The following ANKRD12 variants were observed in gnomAD, a reference collection of about 807,000 sequenced individuals.
ANKRD12 encodes the protein ankyrin repeat domain-containing protein 12.
ANKRD12 carries 85 observed loss-of-function variants against 183.4 expected under a neutral mutation model. The observed-to-expected ratio is 0.46, with a 90% CI of 0.39 to 0.56. The LOEUF (loss-of-function observed/expected upper bound fraction) is 0.56, where lower values mean the gene tolerates loss of function less well. Among genes scored for constraint, ANKRD12 ranks in the 20% least tolerant of loss-of-function variants. The pLI is 0.00. For missense variants in ANKRD12, 2,405 were observed against 2,357.1 expected, an observed-to-expected ratio of 1.02 and a Z score of -0.42; for synonymous variants, 914 against 800.2, an observed-to-expected ratio of 1.14 and a Z score of -2.40.
At chr18:9,219,739 C>T (rs1371175954) in intron 7 of ANKRD12, among the ~76,000 whole-genome samples, 1 of 146,404 alleles carries the variant, frequency 6.8e-6, no homozygotes, top group Non-Finnish European at 1.5e-5. Context: ...CCATACAACA[C>T]AGAATCCTAG....
In ANKRD12 at chr18:9,285,009, A is replaced by G. The variant is rs1005956219; in HGVS notation, c.*3883A>G. ...ATCACGAGGTCAGGAGATCGAGACC[A>G]TCCTGGCTAACACGGTGAAACCCCG... On this transcript the variant is annotated 3_prime_UTR_variant, in exon 13 of 13. Coordinates refer to ENST00000262126, the MANE Select transcript of ANKRD12 (RefSeq NM_015208.5). The G allele has an allele frequency of 4.6e-5, 7 of 151,562 alleles. No individual in the cohort carries two copies. The South Asian group carries it at 8.3e-4, about 18-fold the overall frequency. The allele number at this position is 151,562 out of a possible 1,614,324, so 9.4% of individuals were successfully genotyped here. A position where few individuals can be genotyped will look rare whatever the true frequency, so the allele number is the denominator to read the frequency against.
chr18:9,220,254 G>A (rs1253436667), intron 7 of ANKRD12, among the ~76,000 whole-genome samples: 2 of 152,100 alleles, frequency 1.3e-5, no homozygotes, highest in African/African-American at 4.8e-5. Context: ...TTTTTAAGGT[G>A]TGATATGTTT....
chr18:9,214,870 A>G (rs1366149379), intron 6 of ANKRD12, among the ~76,000 whole-genome samples: 1 of 152,154 alleles, frequency 6.6e-6, no homozygotes, highest in East Asian at 1.9e-4. Context: ...TGCAGCTTTT[A>G]TGCGAATGCA....
In ANKRD12 at chr18:9,143,594, G is replaced by A. The variant is rs188100848; in HGVS notation, c.-52+6629G>A. 2.6e-5 allele frequency among the ~76,000 whole-genome samples: 4 copies of A among 152,302 alleles called. No homozygotes were observed. In the East Asian group the frequency reaches 7.7e-4, roughly 29 times the overall value. ...TCCTGCCCCAGCTCCCCGAGGAGCT[G>A]GGATTACAGGCGCTTGCCACCACGC... On this transcript the variant is annotated intron_variant, in intron 1 of 12. Transcript: ENST00000262126.
At chr18:9,243,199 G>T (rs1208023015) in intron 8 of ANKRD12, among the ~76,000 whole-genome samples, 1 of 152,144 alleles carries the variant, frequency 6.6e-6, no homozygotes, top group Admixed American at 6.6e-5. Flanking sequence ...TAGTTAGTGG[G>T]CTGTTTGTGT....
intron 9 of ANKRD12, among the ~76,000 whole-genome samples, chr18:9,261,264 T>TTA (rs1268203585): frequency 6.6e-6 from 1 of 152,224 alleles, no homozygotes; most frequent in African/African-American, 2.4e-5. Flanking sequence ...AGCATGTTAT[T>TTA]TAAATGCCTC....
intron 10 of ANKRD12, 86 bp downstream of exon 10, chr18:9,263,974 G>T (rs1598744622): frequency 9.1e-7 from 1 of 1,097,666 alleles, no homozygotes; most frequent in Non-Finnish European, 1.2e-6. Context: ...TTTATTAGTG[G>T]ATTTTTAAAA....
intron 8 of ANKRD12, among the ~76,000 whole-genome samples, chr18:9,227,109 A>G (rs142198211): frequency 1.3e-5 from 2 of 152,278 alleles, no homozygotes; most frequent in African/African-American, 4.8e-5. Context: ...GTCTTAGGAA[A>G]TACTAAAATA....
At chr18:9,276,494 A>G (rs1486908921) in intron 11 of ANKRD12, among the ~76,000 whole-genome samples, 1 of 152,058 alleles carries the variant, frequency 6.6e-6, no homozygotes, top group African/African-American at 2.4e-5. Flanking sequence ...GTGGGCAATC[A>G]CTTGAGCTCA....
At chr18:9,261,194 A>C (rs1012095312) in intron 9 of ANKRD12, among the ~76,000 whole-genome samples, 19 of 152,222 alleles carry the variant, frequency 1.2e-4, no homozygotes, top group African/African-American at 4.3e-4. Flanking sequence ...GCAAGCTGTC[A>C]GACCTTTCAT....
rs138360865 is a variant in ANKRD12, at chr18:9,215,762, A to G, written c.653-996A>G. 3.3e-5 allele frequency among the ~76,000 whole-genome samples: 5 copies of G among 152,280 alleles called. No homozygotes were observed. In the East Asian group the frequency reaches 9.6e-4, roughly 29 times the overall value. On this transcript the variant is annotated intron_variant, in intron 6 of 12. Coordinates refer to ENST00000262126, the MANE Select transcript of ANKRD12 (RefSeq NM_015208.5). Reference sequence around the variant, plus strand: ...ATGTTGTCATGACGTCACAGGATTTACCACAGAACCAGTCAAGGAAATCAT... The same window carrying G: ...ATGTTGTCATGACGTCACAGGATTTGCCACAGAACCAGTCAAGGAAATCAT...
intron 8 of ANKRD12, among the ~76,000 whole-genome samples, chr18:9,232,787 C>CTT (rs1337235320): frequency 6.6e-6 from 1 of 151,956 alleles, no homozygotes. Flanking sequence ...ATCACAAAGA[C>CTT]TTTGTTCATT....
At chr18:9,184,181 G>A (rs1331951440) in intron 2 of ANKRD12, among the ~76,000 whole-genome samples, 2 of 152,094 alleles carry the variant, frequency 1.3e-5, no homozygotes, top group Non-Finnish European at 2.9e-5. Flanking sequence ...GATACAAAAT[G>A]TTATCTTTTA....
intron 1 of ANKRD12, among the ~76,000 whole-genome samples, chr18:9,161,169 A>G (rs1466559058): frequency 2.0e-5 from 3 of 152,042 alleles, no homozygotes; most frequent in Non-Finnish European, 4.4e-5. Context: ...TAGTTCAGTC[A>G]GAGGGAAGCT....
rs561920903 is a variant in ANKRD12, at chr18:9,208,526, G to A, written c.305-131G>A. On this transcript the variant is annotated intron_variant, in intron 4 of 12. Coordinates refer to ENST00000262126, the MANE Select transcript of ANKRD12 (RefSeq NM_015208.5). Reference sequence around the variant, plus strand: ...ATAAAACCCATTGTGCTTTTGTCTGGCTACTACTAGTTCATATATTGTACA... The same window carrying A: ...ATAAAACCCATTGTGCTTTTGTCTGACTACTACTAGTTCATATATTGTACA... The A allele has an allele frequency of 6.4e-5, 39 of 605,954 alleles. No individual in the cohort carries two copies. The African/African-American group carries it at 7.3e-4, about 11-fold the overall frequency. 37.5% of individuals were successfully genotyped at this position (605,954 alleles called of 1,614,324 possible).
At position 9,256,428 on chromosome 18, in the gene ANKRD12, C is replaced by G. The variant is rs1461158045; in HGVS notation, c.3161C>G (p.Pro1054Arg). The change falls in exon 9 of 13, where the codon CCT becomes CGT. Residue 1054 changes from proline to arginine, a missense_variant. Transcript: ENST00000262126. ...KLKSEADKPK[P>R]KSSPASKDTR... Reference sequence around the variant, plus strand: ...AAATCTGAAGCAGATAAGCCTAAACCTAAGTCATCACCAGCATCAAAAGAT... The same window carrying G: ...AAATCTGAAGCAGATAAGCCTAAACGTAAGTCATCACCAGCATCAAAAGAT... 6.2e-7 allele frequency: 1 copy of G among 1,612,960 alleles called. No individual in the cohort carries two copies. Among genetic ancestry groups the G allele is most frequent in the Non-Finnish European group, 8.5e-7 (1 of 1,179,686 alleles).
At chr18:9,203,615 A>ATTT (rs1567911573) in intron 3 of ANKRD12, among the ~76,000 whole-genome samples, 200 of 151,464 alleles carry the variant, frequency 1.3e-3, no homozygotes, top group African/African-American at 4.6e-3. Context: ...TATTATTATT[A>ATTT]TTTTTTAAAT....
At chr18:9,177,681 T>C (rs1032470719) in intron 1 of ANKRD12, among the ~76,000 whole-genome samples, 17 of 152,146 alleles carry the variant, frequency 1.1e-4, no homozygotes, top group African/African-American at 3.9e-4. Flanking sequence ...TTAGAACTTA[T>C]TTCTTCTATT....
chr18:9,203,462 CATTTATAAGTCAAAATAT>C (rs1385718252), intron 3 of ANKRD12, among the ~76,000 whole-genome samples: 1 of 152,030 alleles, frequency 6.6e-6, no homozygotes, highest in Non-Finnish European at 1.5e-5. Flanking sequence ...GTTGAAATGG[CATTTATAAGTCAAAATAT>C]ATTTATAAGT....
Sources: allele counts gnomAD v4.1 joint callset (sites outside exome capture counted in the v4.1 genomes callset), GRCh38; gene constraint gnomAD v4.1.1; transcripts MANE v1.5; gene names NCBI Gene and HGNC (gene_info 2026-07-23, HGNC 2026-07-21).